ZNF254: variants seen among roughly 807,000 people sequenced by gnomAD.
ZNF254 encodes zinc finger protein 254, also known as CTD-2017D11.1.
Under a neutral mutation model 12.4 loss-of-function variants are expected in ZNF254, and 10 were observed. The observed-to-expected ratio is 0.80, with a 90% CI of 0.50 to 1.36. The LOEUF is 1.36. Ranked by LOEUF, ZNF254 falls within the 40% of genes most tolerant of loss-of-function variation. ZNF254 has a pLI of 0.00. For synonymous variants in ZNF254, 305 were observed against 253.4 expected (o/e 1.20, Z -1.93); for missense variants, 996 against 763.9 (o/e 1.30, Z -3.58).
intron 3 of ZNF254, among the ~76,000 whole-genome samples, chr19:24,117,528 G>A (rs369468229): frequency 3.9e-5 from 6 of 152,312 alleles, no homozygotes; most frequent in African/African-American, 9.6e-5. Context: ...CTGTTGTGCG[G>A]TTATTTAAGC....
At chr19:24,038,034 A>G (rs1970031117) in intron 1 of ZNF254, among the ~76,000 whole-genome samples, 1 of 152,236 alleles carries the variant, frequency 6.6e-6, no homozygotes, top group African/African-American at 2.4e-5. Flanking sequence ...AGCGTGAGCC[A>G]CTGTACCTGG....
chr19:24,065,990 T>TA (rs1265026319), intron 2 of ZNF254: 13 of 152,288 alleles, frequency 8.5e-5, no homozygotes, highest in African/African-American at 3.1e-4. Flanking sequence ...ATCACTGGCC[T>TA]AGCATCTAGG....
chr19:24,063,127 T>A, intron 2 of ZNF254, among the ~76,000 whole-genome samples: 1 of 152,178 alleles, frequency 6.6e-6, no homozygotes, highest in East Asian at 1.9e-4. Context: ...CAAAAGAAAT[T>A]GAGGCTCTTA....
intron 2 of ZNF254, chr19:24,079,482 C>T (rs370738138): frequency 3.3e-5 from 5 of 152,368 alleles, no homozygotes; most frequent in African/African-American, 1.2e-4. Context: ...TGTCCACCTA[C>T]AGAGGTTGCA....
chr19:24,123,450 C>G (rs1178175721), intron 3 of ZNF254, among the ~76,000 whole-genome samples: 2 of 152,040 alleles, frequency 1.3e-5, no homozygotes, highest in African/African-American at 4.8e-5. Context: ...GTAGTCTGTT[C>G]CCTTATTAAC....
intron 2 of ZNF254, among the ~76,000 whole-genome samples, chr19:24,056,110 G>A (rs1970843660): frequency 6.6e-6 from 1 of 152,132 alleles, no homozygotes; most frequent in African/African-American, 2.4e-5. Flanking sequence ...GGGACATTGT[G>A]ACATATCGCT....
chr19:24,122,079 CAA>C (rs747065358), intron 3 of ZNF254, among the ~76,000 whole-genome samples: 1 of 151,866 alleles, frequency 6.6e-6, no homozygotes, highest in Non-Finnish European at 1.5e-5. Flanking sequence ...TTTTACTTGT[CAA>C]AAAAATAACA....
At chr19:24,111,583 T>C (rs1973684201) in intron 3 of ZNF254, among the ~76,000 whole-genome samples, 1 of 152,232 alleles carries the variant, frequency 6.6e-6, no homozygotes. Context: ...TGTAAAAGTG[T>C]TCCTATTTCT....
At chr19:24,117,572 A>G (rs1238278722) in intron 3 of ZNF254, among the ~76,000 whole-genome samples, 1 of 152,052 alleles carries the variant, frequency 6.6e-6, no homozygotes. Context: ...GGTGGGAGTG[A>G]CCCGACTTTC....
intron 2 of ZNF254, chr19:24,078,570 A>T (rs1307779018): frequency 6.6e-6 from 1 of 152,212 alleles, no homozygotes; most frequent in Admixed American, 6.5e-5. Flanking sequence ...TCTGACATTG[A>T]GTAAATGTAT....
In ZNF254 at chr19:24,127,587, G is replaced by T; in HGVS notation, c.1587G>T (p.Trp529Cys). Residue 529 changes from tryptophan (W) to cysteine (C), a missense_variant, in exon 4 of 4, where the codon TGG (tryptophan) becomes TGT (cysteine). Physicochemically the swap from Trp to Cys is radical, Grantham distance 215 (BLOSUM62 -2). Coordinates refer to ENST00000357002, the MANE Select transcript of ZNF254 (RefSeq NM_203282.4). ...KCEECGKAFN[W>C]SSTLTKHKII... The stretch of plus-strand genomic sequence containing the variant: ...AAGAATGTGGCAAAGCCTTTAACTG[G>T]TCCTCAACTCTTACTAAACATAAGA... The T allele has an allele frequency of 1.2e-6, 2 of 1,607,528 alleles. No homozygotes were observed. Among genetic ancestry groups the T allele is most frequent in the Non-Finnish European group, 1.7e-6 (2 of 1,176,666 alleles).
At chr19:24,106,759 C>A in intron 3 of ZNF254, 116 bp downstream of exon 3, 2 of 972,528 alleles carry the variant, frequency 2.1e-6, no homozygotes, top group South Asian at 3.4e-5. Flanking sequence ...TTCTGGGAAG[C>A]CTAAATTTTT....
chr19:24,060,720 C>G (rs1971034811), intron 2 of ZNF254, among the ~76,000 whole-genome samples: 1 of 152,308 alleles, frequency 6.6e-6, no homozygotes, highest in Admixed American at 6.5e-5. Context: ...CTAGGTTCAT[C>G]ATCTAGATGA....
intron 2 of ZNF254, among the ~76,000 whole-genome samples, chr19:24,062,990 G>A (rs1319446372): frequency 6.6e-6 from 1 of 151,568 alleles, no homozygotes; most frequent in Non-Finnish European, 1.5e-5. Flanking sequence ...TAGTAGAACT[G>A]GGGTTTCACC....
At chr19:24,092,955 A>G (rs1011128320) in intron 1 of ZNF254, among the ~76,000 whole-genome samples, 3 of 152,204 alleles carry the variant, frequency 2.0e-5, no homozygotes, top group Non-Finnish European at 4.4e-5. Context: ...TTTTCTCTGC[A>G]ACCTTGACAT....
intron 2 of ZNF254, among the ~76,000 whole-genome samples, chr19:24,062,114 A>AG (rs1971100076): frequency 6.6e-6 from 1 of 151,746 alleles, no homozygotes; most frequent in Non-Finnish European, 1.5e-5. Context: ...AAAAAGAAAA[A>AG]GGAGTAAAAT....
chr19:24,037,053 G>T (rs568597267), intron 1 of ZNF254, among the ~76,000 whole-genome samples: 1 of 152,156 alleles, frequency 6.6e-6, no homozygotes, highest in African/African-American at 2.4e-5. Context: ...TGGGCTTGTG[G>T]ACTACCAATC....
chr19:24,093,932 C>T (rs566958521), intron 1 of ZNF254, among the ~76,000 whole-genome samples: 1 of 151,856 alleles, frequency 6.6e-6, no homozygotes, highest in Non-Finnish European at 1.5e-5. Context: ...AAGTTGTTTT[C>T]CATTTGTGCC....
intron 3 of ZNF254, among the ~76,000 whole-genome samples, chr19:24,109,363 ATTGT>A (rs765091718): frequency 2.6e-5 from 4 of 152,114 alleles, no homozygotes; most frequent in African/African-American, 4.8e-5. Flanking sequence ...ATCTAGACAA[ATTGT>A]TTGTTAATGT....
Sources: gnomAD v4.1 joint callset for allele counts (sites outside exome capture counted in the v4.1 genomes callset) on GRCh38, gnomAD v4.1.1 for gene constraint, MANE v1.5 for transcripts, NCBI Gene and HGNC (gene_info 2026-07-23, HGNC 2026-07-21) for gene names.